The following FBN2 variants were observed in gnomAD, a reference collection of about 807,000 sequenced individuals.
The protein encoded by FBN2 is fibrillin 2.
In FBN2, 105 loss-of-function variants were observed where a neutral mutation model predicts 355.6. The observed-to-expected ratio is 0.30, with a 90% CI of 0.25 to 0.35. The LOEUF (loss-of-function observed/expected upper bound fraction) is 0.35, where lower values mean the gene tolerates loss of function less well. Ranked by LOEUF, FBN2 falls within the 10% of genes least tolerant of loss-of-function variation. The pLI is 1.00. For missense variants in FBN2, 3,280 were observed against 3,758.7 expected (o/e 0.87, Z 3.33); for synonymous variants, 1,350 against 1,301.2 (o/e 1.04, Z -0.81).
chr5:128,489,258 A>G (rs866942078), intron 5 of FBN2, among the ~76,000 whole-genome samples: 3 of 152,246 alleles, frequency 2.0e-5, no homozygotes, highest in East Asian at 1.9e-4. Context: ...CTATGCAGTC[A>G]TGCTAGATCG....
chr5:128,339,053 C>A lies in FBN2; in HGVS notation c.3352G>T (p.Glu1118Ter). The change falls in exon 26 of 65, where the codon GAG becomes TAG. Residue 1118 changes from glutamate to a stop codon, truncating the protein, a stop_gained. Transcript: ENST00000262464. LOFTEE classifies it high-confidence loss of function. Reference protein sequence around the residue: ...MEERNCTDIDECRISPDLCGS... With the variant: ...MEERNCTDID The stretch of plus-strand genomic sequence containing the variant: ...CAGAGGTCAGGAGAAATCCTGCACT[C>A]GTCGATGTCTAATTCACAGGGTTTA... The A allele has an allele frequency of 6.2e-7, 1 of 1,613,928 alleles. No individual in the cohort carries two copies. The highest frequency in any genetic ancestry group is 8.5e-7 in the Non-Finnish European group (1 of 1,179,894).
intron 19 of FBN2, among the ~76,000 whole-genome samples, chr5:128,357,969 T>A (rs2126932344): frequency 6.6e-6 from 1 of 152,290 alleles, no homozygotes; most frequent in Non-Finnish European, 1.5e-5. Context: ...TTAATACAAC[T>A]AATTTTGGTA....
intron 16 of FBN2, 120 bp downstream of exon 16, chr5:128,369,062 T>C: frequency 9.7e-7 from 1 of 1,025,854 alleles, no homozygotes; most frequent in Admixed American, 1.9e-5. Flanking sequence ...AGGATTGGAT[T>C]TCTCTTCTTC....
intron 5 of FBN2, among the ~76,000 whole-genome samples, chr5:128,476,674 A>C (rs1465195682): frequency 1.3e-5 from 2 of 152,158 alleles, no homozygotes; most frequent in Admixed American, 6.5e-5. Flanking sequence ...GACAAAAAAA[A>C]AATAAATAAG....
At chr5:128,266,900 T>A (rs1392401388) in intron 62 of FBN2, among the ~76,000 whole-genome samples, 1 of 152,148 alleles carries the variant, frequency 6.6e-6, no homozygotes, top group African/African-American at 2.4e-5. Flanking sequence ...ATGTGCAGGT[T>A]TGTTACATAG....
At chr5:128,279,489 AC>A (rs1463655788) in intron 56 of FBN2, among the ~76,000 whole-genome samples, 4 of 152,150 alleles carry the variant, frequency 2.6e-5, no homozygotes, top group Non-Finnish European at 5.9e-5. Context: ...ATTAGAGATA[AC>A]AATAAACAAA....
intron 8 of FBN2, among the ~76,000 whole-genome samples, chr5:128,402,494 A>G (rs1752823251): frequency 6.6e-6 from 1 of 152,180 alleles, no homozygotes; most frequent in African/African-American, 2.4e-5. Flanking sequence ...TAATAAAGGT[A>G]CACTTATCAG....
At chr5:128,436,465 C>T (rs1753769617) in intron 7 of FBN2, among the ~76,000 whole-genome samples, 1 of 152,136 alleles carries the variant, frequency 6.6e-6, no homozygotes, top group Admixed American at 6.6e-5. Context: ...TTCCAAACTA[C>T]TCTATGCTCT....
intron 8 of FBN2, among the ~76,000 whole-genome samples, chr5:128,397,767 C>G (rs977053027): frequency 6.6e-6 from 1 of 152,136 alleles, no homozygotes; most frequent in Non-Finnish European, 1.5e-5. Flanking sequence ...ATTTGAACAA[C>G]TAATTTCACC....
chr5:128,275,440 T>A, intron 59 of FBN2, among the ~76,000 whole-genome samples: 1 of 100,384 alleles, frequency 1.0e-5, no homozygotes, highest in Admixed American at 1.1e-4. Flanking sequence ...GTGCTTGCTA[T>A]TATTTTTTTT....
intron 5 of FBN2, among the ~76,000 whole-genome samples, chr5:128,473,220 A>G (rs2127096524): frequency 6.6e-6 from 1 of 152,294 alleles, no homozygotes; most frequent in South Asian, 2.1e-4. Context: ...TTACACTGTC[A>G]TCAGTAGTGC....
intron 7 of FBN2, among the ~76,000 whole-genome samples, chr5:128,421,912 T>C (rs957142138): frequency 2.6e-5 from 4 of 152,196 alleles, no homozygotes; most frequent in Non-Finnish European, 4.4e-5. Flanking sequence ...GATGCAGAGA[T>C]AATCCTAGAT....
chr5:128,305,099 T>A lies in FBN2; in HGVS notation c.5675-17A>T, dbSNP rs552786756. 4.5e-5 allele frequency: 70 copies of A among 1,564,954 alleles called. No individual in the cohort carries two copies. The East Asian group carries it at 1.3e-3, about 30-fold the overall frequency. ...CATTGCGATCTAAAACAGAAAAAAATAAATGTTACATGTATCTGATTTTTA... is the reference window on the plus strand; with the variant it reads ...CATTGCGATCTAAAACAGAAAAAAAAAAATGTTACATGTATCTGATTTTTA... On this transcript the variant is annotated splice_polypyrimidine_tract_variant and intron_variant, in intron 44 of 64. Coordinates refer to ENST00000262464, the MANE Select transcript of FBN2 (RefSeq NM_001999.4).
In FBN2 at chr5:128,465,103, T is replaced by C. The variant is rs146964903; in HGVS notation, c.629-182A>G. On this transcript the variant is annotated intron_variant, in intron 5 of 64. Transcript: ENST00000262464. ...ATTCATGAGAAGTACCTTAAGAGAC[T>C]TCAATGTATTCCACACTAGACACTG... Among the ~76,000 whole-genome samples, 117 of 152,354 alleles carry C rather than the reference T, an allele frequency of 7.7e-4. 1 individual carries two copies. The highest frequency in any genetic ancestry group is 2.8e-3 in the African/African-American group (115 of 41,582).
chr5:128,509,258 T>C (rs1398539818), intron 5 of FBN2, among the ~76,000 whole-genome samples: 2 of 152,212 alleles, frequency 1.3e-5, no homozygotes, highest in African/African-American at 2.4e-5. Context: ...AGCTCACTTA[T>C]GCTCTCCTAC....
intron 7 of FBN2, among the ~76,000 whole-genome samples, chr5:128,409,885 C>A (rs1282711808): frequency 6.6e-6 from 1 of 152,088 alleles, no homozygotes; most frequent in Non-Finnish European, 1.5e-5. Context: ...TTTAACCCCA[C>A]GCTTAAAAAG....
intron 45 of FBN2, among the ~76,000 whole-genome samples, chr5:128,304,084 T>C (rs1749797190): frequency 6.6e-6 from 1 of 152,218 alleles, no homozygotes; most frequent in South Asian, 2.1e-4. Flanking sequence ...AAACCAGTCC[T>C]GCAGTACTGA....
chr5:128,328,837 A>T lies in FBN2; in HGVS notation c.4346-16T>A, dbSNP rs375963510. The T allele has an allele frequency of 1.6e-5, 26 of 1,613,892 alleles. No individual in the cohort carries two copies. In the African/African-American group the frequency reaches 3.2e-4, roughly 20 times the overall value. On this transcript the variant is annotated splice_polypyrimidine_tract_variant and intron_variant, in intron 33 of 64. Coordinates refer to ENST00000262464, the MANE Select transcript of FBN2 (RefSeq NM_001999.4). ...TCATCAACATCTGTGCAAAAAAGCA[A>T]ATTACATCTCTGTTAAGTTCCAAAT...
intron 5 of FBN2, among the ~76,000 whole-genome samples, chr5:128,511,305 T>C (rs1756122443): frequency 1.3e-5 from 2 of 152,176 alleles, no homozygotes; most frequent in Non-Finnish European, 2.9e-5. Context: ...CAGTGCCTAC[T>C]TGAGGGTATA....
Sources: gnomAD v4.1 joint callset for allele counts (sites outside exome capture counted in the v4.1 genomes callset) on GRCh38, gnomAD v4.1.1 for gene constraint, MANE v1.5 for transcripts, NCBI Gene and HGNC (gene_info 2026-07-23, HGNC 2026-07-21) for gene names.